The following SLC25A28 variants were observed in gnomAD, a reference collection of about 807,000 sequenced individuals.
SLC25A28 encodes mitoferrin-2.
Under a neutral mutation model 31.9 loss-of-function variants are expected in SLC25A28, and 10 were observed. The observed-to-expected ratio is 0.31, with a 90% CI of 0.19 to 0.53. SLC25A28 has a LOEUF of 0.53. Ranked by LOEUF, SLC25A28 falls within the 20% of genes least tolerant of loss-of-function variation. SLC25A28 has a pLI of 0.95. For missense variants in SLC25A28, 256 were observed against 490.3 expected (o/e 0.52, Z 4.51); for synonymous variants, 208 against 203.6 (o/e 1.02, Z -0.19).
chr10:99,613,397 C>T lies in SLC25A28; in HGVS notation c.520+299G>A. 7.8e-7 allele frequency: 1 copy of T among 1,277,710 alleles called. No homozygotes were observed. Among genetic ancestry groups the T allele is most frequent in the Non-Finnish European group, 1.0e-6 (1 of 1,001,950 alleles). 79.1% of individuals were successfully genotyped at this position (1,277,710 alleles called of 1,614,324 possible). A position where few individuals can be genotyped will look rare whatever the true frequency, so the allele number is the denominator to read the frequency against. Reference sequence around the variant, plus strand: ...TGTCAAACATAGACTGGGGGTAGTTCAGTGTGTCTCCACATTACCAGGGCA... The same window carrying T: ...TGTCAAACATAGACTGGGGGTAGTTTAGTGTGTCTCCACATTACCAGGGCA... On this transcript the variant is annotated intron_variant, in intron 2 of 3. Coordinates refer to ENST00000370495, the MANE Select transcript of SLC25A28 (RefSeq NM_031212.4). This position sits in a 1 kb window ranked among gnomAD's most constrained non-coding sequence, Gnocchi z 4.9.
At chr10:99,618,194 G>T in intron 1 of SLC25A28, 1 of 864,532 alleles carries the variant, frequency 1.2e-6, no homozygotes. Flanking sequence ...ATTTTTAACA[G>T]GGATTTATAA....
At chr10:99,620,766 C>T (rs945481955), upstream of SLC25A28, 5 of 985,460 alleles carry the variant, frequency 5.1e-6, no homozygotes, top group Non-Finnish European at 4.8e-6. Flanking sequence ...CGGCCATTGG[C>T]CCGCACCACG....
chr10:99,615,007 T>C (rs1310391151), intron 1 of SLC25A28, among the ~76,000 whole-genome samples: 4 of 152,190 alleles, frequency 2.6e-5, no homozygotes, highest in Non-Finnish European at 5.9e-5. Context: ...GATGCCCAAG[T>C]ACAGTTTAAA....
At chr10:99,657,127 T>C in the SLC25A28 span, among the ~76,000 whole-genome samples, 1 of 152,230 alleles carries the variant, frequency 6.6e-6, no homozygotes, top group Non-Finnish European at 1.5e-5. Flanking sequence ...CAATGAACTT[T>C]TGAATTATAA....
intron 1 of SLC25A28, chr10:99,616,723 C>T: frequency 1.0e-6 from 1 of 985,354 alleles, no homozygotes; most frequent in Non-Finnish European, 1.2e-6. Flanking sequence ...TTTTGGGAAG[C>T]TATATGGAAG....
chr10:99,644,234 A>G, the SLC25A28 span, among the ~76,000 whole-genome samples: 1 of 152,142 alleles, frequency 6.6e-6, no homozygotes, highest in Non-Finnish European at 1.5e-5. Context: ...GACTTGCTTT[A>G]TGACTCTGGG....
the SLC25A28 span, among the ~76,000 whole-genome samples, chr10:99,658,151 C>T: frequency 6.6e-6 from 1 of 152,172 alleles, no homozygotes; most frequent in Non-Finnish European, 1.5e-5. Context: ...CGCACCACTG[C>T]ACTCCAGCCT....
rs2034577570 is a variant in SLC25A28 at position 99,613,474 on chromosome 10, G to A, written c.520+222C>T. 27 of 1,415,702 alleles carry A rather than the reference G, an allele frequency of 1.9e-5. No homozygotes were observed. In the South Asian group the frequency reaches 3.6e-4, roughly 19 times the overall value. The allele number at this position is 1,415,702 out of a possible 1,614,324, so 87.7% of individuals were successfully genotyped here. ...AGGAACAAGTCAAGCTGGTAGGTAA[G>A]GGAGGATACTGTAACCCTTTGTTGA... is the stretch of plus-strand genomic sequence containing the variant. On this transcript the variant is annotated intron_variant, in intron 2 of 3. Coordinates refer to ENST00000370495, the MANE Select transcript of SLC25A28 (RefSeq NM_031212.4). The surrounding 1 kb of genome is among the most constrained non-coding windows in gnomAD (Gnocchi z 4.9).
At chr10:99,617,832 A>G (rs771818843) in intron 1 of SLC25A28, 1 of 965,898 alleles carries the variant, frequency 1.0e-6, no homozygotes, top group Non-Finnish European at 1.2e-6. Context: ...AATTTTTAAA[A>G]AACAAAAATT....
At chr10:99,648,686 GTT>G in the SLC25A28 span, among the ~76,000 whole-genome samples, 91 of 119,778 alleles carry the variant, frequency 7.6e-4, no homozygotes, top group African/African-American at 2.6e-3. Context: ...ATATTCCTAG[GTT>G]TTTTTTTTTT....
chr10:99,620,259 G>T lies in SLC25A28; in HGVS notation c.77C>A (p.Ser26Ter). 8.4e-7 allele frequency: 1 copy of T among 1,188,696 alleles called. No homozygotes were observed. The highest frequency in any genetic ancestry group is 1.0e-6 in the Non-Finnish European group (1 of 964,808). 73.6% of individuals were successfully genotyped at this position (1,188,696 alleles called of 1,614,324 possible). ...CTGCAGCCACCCGTCCAGCAGCGCC[G>T]ACTCCCCGGGGCTCCGCCCGGGCCC... ...AAGPGRSPGE[S>*]ALLDGWLQRG... Residue 26 changes from serine (S) to a stop codon, truncating the protein, a stop_gained, in exon 1 of 4, where the codon TCG becomes TAG. Coordinates refer to ENST00000370495, the MANE Select transcript of SLC25A28 (RefSeq NM_031212.4). LOFTEE classifies it high-confidence loss of function.
chr10:99,621,840 T>C (rs185324903), upstream of SLC25A28: 1 of 152,372 alleles, frequency 6.6e-6, no homozygotes, highest in African/African-American at 2.4e-5. Flanking sequence ...AAACTTTTTC[T>C]ACTCTCTTCA....
chr10:99,630,637 G>T, the SLC25A28 span, among the ~76,000 whole-genome samples: 1 of 152,194 alleles, frequency 6.6e-6, no homozygotes, highest in Admixed American at 6.5e-5. Context: ...TCAGCAGGGG[G>T]CAGCAAAGCT....
At chr10:99,654,822 A>G in the SLC25A28 span, among the ~76,000 whole-genome samples, 1 of 152,244 alleles carries the variant, frequency 6.6e-6, no homozygotes, top group East Asian at 1.9e-4. Context: ...CATAACATGC[A>G]TCCAGAGGAA....
In SLC25A28 at chr10:99,613,790, C is replaced by T. The variant is rs758658532; in HGVS notation, c.426G>A (p.Gly142=). ...RGLNVTATGA[G]PAHALYFACY... is the part of the protein sequence containing the mutation. ...AGGCAAAATAAAGGGCGTGGGCAGG[C>T]CCTGCGCCTGTTGCTGTGACGTTCA... The change falls in exon 2 of 4, where the codon GGG becomes GGA. Residue 142 remains glycine, a synonymous_variant. Transcript: ENST00000370495. The surrounding 1 kb of genome is among the most constrained non-coding windows in gnomAD (Gnocchi z 4.9). 1.9e-6 allele frequency: 3 copies of T among 1,614,232 alleles called. No homozygotes were observed. Among genetic ancestry groups the T allele is most frequent in the South Asian group, 2.2e-5 (2 of 91,080 alleles).
At chr10:99,622,728 C>T (rs927799752), upstream of SLC25A28, 5 of 984,830 alleles carry the variant, frequency 5.1e-6, no homozygotes, top group Admixed American at 1.8e-4. Flanking sequence ...CATCCCTAAA[C>T]GTTTAATGCT....
At chr10:99,612,372 C>T (rs1005130645) in intron 3 of SLC25A28, among the ~76,000 whole-genome samples, 171 bp downstream of exon 3, 1 of 152,206 alleles carries the variant, frequency 6.6e-6, no homozygotes, top group Non-Finnish European at 1.5e-5. Context: ...AGTGAATCTG[C>T]TTCCTGTCCA....
At chr10:99,638,235 C>A in the SLC25A28 span, among the ~76,000 whole-genome samples, 3 of 152,100 alleles carry the variant, frequency 2.0e-5, no homozygotes, top group African/African-American at 4.8e-5. Flanking sequence ...AATTGGCTAG[C>A]CACATGTAGG....
At chr10:99,652,096 A>G in the SLC25A28 span, 1 of 152,076 alleles carries the variant, frequency 6.6e-6, no homozygotes, top group Non-Finnish European at 1.5e-5. Flanking sequence ...TTTTTTTGTC[A>G]CTGTCAGTTT....
Sources: gnomAD v4.1 joint callset for allele counts (sites outside exome capture counted in the v4.1 genomes callset) on GRCh38, gnomAD v4.1.1 for gene constraint, Gnocchi (gnomAD v3.1) non-coding constraint, MANE v1.5 for transcripts, NCBI Gene and HGNC (gene_info 2026-07-23, HGNC 2026-07-21) for gene names.